Variants in FOXJ3 observed in about 807,000 individuals in gnomAD.
FOXJ3 encodes forkhead box J3.
Under a neutral mutation model 76.1 loss-of-function variants are expected in FOXJ3, and 22 were observed. The ratio of observed to expected loss-of-function variants is 0.29; its 90% confidence interval spans 0.21 to 0.41. FOXJ3 has a LOEUF of 0.41. Among genes scored for constraint, FOXJ3 ranks in the 10% least tolerant of loss-of-function variants. The pLI is 1.00. For synonymous variants in FOXJ3, 269 were observed against 261.2 expected (o/e 1.03, Z -0.29); for missense variants, 613 against 762.1 (o/e 0.80, Z 2.30).
chr1:42,253,905 A>G (rs1650337877), intron 4 of FOXJ3, among the ~76,000 whole-genome samples: 1 of 151,960 alleles, frequency 6.6e-6, no homozygotes, highest in Admixed American at 6.6e-5. Context: ...AGGCATGGGC[A>G]AGGACTTCAT....
chr1:42,294,575 A>G (rs556404803), intron 2 of FOXJ3, among the ~76,000 whole-genome samples: 163 of 152,274 alleles, frequency 1.1e-3, no homozygotes, highest in Middle Eastern at 0.01. Flanking sequence ...CCTGGCCAAC[A>G]TGGCGAAACC....
At chr1:42,307,249 G>A (rs567190703) in intron 2 of FOXJ3, among the ~76,000 whole-genome samples, 1 of 152,150 alleles carries the variant, frequency 6.6e-6, no homozygotes, top group Non-Finnish European at 1.5e-5. Flanking sequence ...AAACCACTGA[G>A]AGACAGCAGC....
chr1:42,284,762 T>G (rs1231645013), intron 2 of FOXJ3, among the ~76,000 whole-genome samples: 1 of 152,232 alleles, frequency 6.6e-6, no homozygotes, highest in Non-Finnish European at 1.5e-5. Flanking sequence ...ATAACTTGGA[T>G]GAAGGAAAAT....
intron 4 of FOXJ3, among the ~76,000 whole-genome samples, chr1:42,257,903 C>G (rs2124602060): frequency 6.6e-6 from 1 of 152,212 alleles, no homozygotes; most frequent in African/African-American, 2.4e-5. Context: ...AATTTTATGT[C>G]AACACAAAGT....
At chr1:42,270,224 T>C (rs1557688629) in intron 3 of FOXJ3, among the ~76,000 whole-genome samples, 1 of 152,180 alleles carries the variant, frequency 6.6e-6, no homozygotes, top group Non-Finnish European at 1.5e-5. Context: ...TAAACTTCAG[T>C]TCTTTAGGGA....
At position 42,189,212 on chromosome 1, in the gene FOXJ3, A is replaced by G. The variant is rs540987533; in HGVS notation, c.1453+91T>C. The G allele has an allele frequency of 4.6e-6, 4 of 871,958 alleles. No individual in the cohort carries two copies. In the East Asian group the frequency reaches 1.0e-4, roughly 22 times the overall value. 54.0% of individuals were successfully genotyped at this position (871,958 alleles called of 1,614,324 possible). ...TGCAAAAGAAATGCTATATAAGATG[A>G]TGTTTATTTCTACTACAAAGAAAGT... is the stretch of plus-strand genomic sequence containing the variant. On this transcript the variant is annotated intron_variant, in intron 10 of 12. Transcript: ENST00000361346.
chr1:42,281,719 C>T (rs1286060877), intron 2 of FOXJ3, among the ~76,000 whole-genome samples: 1 of 152,098 alleles, frequency 6.6e-6, no homozygotes, highest in African/African-American at 2.4e-5. Context: ...GTGGAGAGCA[C>T]AAAAGATGAC....
intron 4 of FOXJ3, among the ~76,000 whole-genome samples, chr1:42,249,749 C>G (rs1055091605): frequency 6.6e-6 from 1 of 152,040 alleles, no homozygotes; most frequent in Non-Finnish European, 1.5e-5. Flanking sequence ...TCCTTGTAAA[C>G]GAAAAACTCA....
At chr1:42,271,164 T>C (rs1651839499) in intron 3 of FOXJ3, among the ~76,000 whole-genome samples, 1 of 152,202 alleles carries the variant, frequency 6.6e-6, no homozygotes, top group African/African-American at 2.4e-5. Context: ...CCTTGGAATG[T>C]ATGCCATGAA....
intron 1 of FOXJ3, chr1:42,334,053 CGTGG>C (rs1160710152): frequency 4.1e-6 from 2 of 483,934 alleles, no homozygotes; most frequent in African/African-American, 4.2e-5. Flanking sequence ...ACAACACAGA[CGTGG>C]AATGCACCAA....
intron 4 of FOXJ3, 120 bp downstream of exon 4, chr1:42,264,995 G>T: frequency 1.3e-6 from 1 of 762,430 alleles, no homozygotes; most frequent in Non-Finnish European, 2.4e-6. Context: ...TTTAGAGCAG[G>T]GTGGGGGAGG....
intron 4 of FOXJ3, among the ~76,000 whole-genome samples, chr1:42,236,661 T>G (rs1225253398): frequency 6.6e-6 from 1 of 152,200 alleles, no homozygotes; most frequent in African/African-American, 2.4e-5. Flanking sequence ...CAGGAAGCAA[T>G]TCCCTTTCCT....
chr1:42,230,402 T>C (rs781298790), intron 4 of FOXJ3, among the ~76,000 whole-genome samples: 9 of 152,172 alleles, frequency 5.9e-5, no homozygotes, highest in African/African-American at 2.2e-4. Context: ...CAGAAGTCTT[T>C]TGGATATCAG....
chr1:42,180,693 C>T (rs764213510), intron 12 of FOXJ3, among the ~76,000 whole-genome samples: 1 of 151,978 alleles, frequency 6.6e-6, no homozygotes, highest in Non-Finnish European at 1.5e-5. Context: ...TTCAGTATAT[C>T]ACAATATAGG....
chr1:42,297,050 G>A lies in FOXJ3; in HGVS notation c.44+14000C>T, dbSNP rs535863952. Among the ~76,000 whole-genome samples, 8 of 152,172 alleles carry A rather than the reference G, an allele frequency of 5.3e-5. No homozygotes were observed. The South Asian group carries it at 1.0e-3, about 20-fold the overall frequency. On this transcript the variant is annotated intron_variant, in intron 2 of 12. Coordinates refer to ENST00000361346, the MANE Select transcript of FOXJ3 (RefSeq NM_014947.5). ...GTTAAATGTATTCCTAGGGGTGTGCGGGTGTGGGTGTGTGTGTGTGTCTAC... is the reference window on the plus strand; with the variant it reads ...GTTAAATGTATTCCTAGGGGTGTGCAGGTGTGGGTGTGTGTGTGTGTCTAC...
chr1:42,323,786 G>T, intron 1 of FOXJ3: 2 of 647,680 alleles, frequency 3.1e-6, no homozygotes, highest in Non-Finnish European at 3.8e-6. Context: ...ATTATCTTGT[G>T]AAAGAAGGCA....
intron 4 of FOXJ3, among the ~76,000 whole-genome samples, chr1:42,251,810 C>T (rs1320930919): frequency 4.0e-5 from 6 of 148,768 alleles, no homozygotes; most frequent in Non-Finnish European, 7.4e-5. Flanking sequence ...GCTCCGCCTC[C>T]CGGGTTCATG....
intron 5 of FOXJ3, among the ~76,000 whole-genome samples, chr1:42,217,359 T>C (rs1647090778): frequency 6.6e-6 from 1 of 151,912 alleles, no homozygotes; most frequent in African/African-American, 2.4e-5. Flanking sequence ...CGAAACCCCA[T>C]CTCTACTAAA....
At chr1:42,278,815 G>C (rs1423480366) in intron 2 of FOXJ3, 143 bp from the exon 3 acceptor site, 1 of 593,214 alleles carries the variant, frequency 1.7e-6, no homozygotes, top group Admixed American at 3.0e-5. Context: ...ATGTTAATGA[G>C]CAAACCAAAT....
Sources: gnomAD v4.1 joint callset for allele counts (sites outside exome capture counted in the v4.1 genomes callset) on GRCh38, gnomAD v4.1.1 for gene constraint, MANE v1.5 for transcripts, NCBI Gene and HGNC (gene_info 2026-07-23, HGNC 2026-07-21) for gene names.